PEX2: variants seen among roughly 807,000 people sequenced by gnomAD.
PEX2 encodes peroxisome biogenesis factor 2.
PEX2 carries 19 observed loss-of-function variants against 25.2 expected under a neutral mutation model. That is an observed-to-expected ratio of 0.75 (90% CI 0.53 to 1.10). The LOEUF (loss-of-function observed/expected upper bound fraction) is 1.10, where lower values mean the gene tolerates loss of function less well. Among genes scored for constraint, PEX2 ranks in the 50% least tolerant of loss-of-function variants. The pLI, the probability that PEX2 is intolerant of heterozygous loss-of-function variation, is 0.00. For missense variants in PEX2, 347 were observed against 350.6 expected, an observed-to-expected ratio of 0.99 and a Z score of 0.08; for synonymous variants, 141 against 127.7, an observed-to-expected ratio of 1.10 and a Z score of -0.70.
At chr8:76,992,656 A>G (rs1179459051) in intron 1 of PEX2, among the ~76,000 whole-genome samples, 1 of 152,198 alleles carries the variant, frequency 6.6e-6, no homozygotes, top group African/African-American at 2.4e-5. Flanking sequence ...ATTATTCCCA[A>G]TATAGTGTAA....
rs1807278177 is a variant in PEX2 at position 76,994,908 on chromosome 8, CTATTT to C, written c.-160+5077_-160+5081del. Among the ~76,000 whole-genome samples, 11 of 152,234 alleles carry C rather than the reference CTATTT, an allele frequency of 7.2e-5. No individual in the cohort carries two copies. In the South Asian group the frequency reaches 2.3e-3, roughly 32 times the overall value. On this transcript the variant is annotated intron_variant, in intron 1 of 3. Transcript: ENST00000357039. ...TCTTAAGTTTTGAACCTATAACCTACTATTTTATTTCCTTTGTGTAGTCAGATAGA... is the reference window on the plus strand; with the variant it reads ...TCTTAAGTTTTGAACCTATAACCTACTATTTCCTTTGTGTAGTCAGATAGA...
chr8:76,993,902 C>T (rs1807246574), intron 1 of PEX2, among the ~76,000 whole-genome samples: 1 of 152,088 alleles, frequency 6.6e-6, no homozygotes, highest in East Asian at 1.9e-4. Flanking sequence ...TTATAATTGG[C>T]AGTAAATAAT....
intron 1 of PEX2, among the ~76,000 whole-genome samples, chr8:76,996,843 T>A (rs1274136114): frequency 6.6e-6 from 1 of 152,166 alleles, no homozygotes; most frequent in African/African-American, 2.4e-5. Context: ...AGTATTATCA[T>A]CTCCATTTTA....
intron 3 of PEX2, among the ~76,000 whole-genome samples, chr8:76,985,364 G>A (rs1806974000): frequency 6.6e-6 from 1 of 152,060 alleles, no homozygotes; most frequent in African/African-American, 2.4e-5. Context: ...GTTATAAGAT[G>A]AGTAAGTTCT....
intron 3 of PEX2, among the ~76,000 whole-genome samples, chr8:76,985,210 G>A (rs1806970325): frequency 2.0e-5 from 3 of 150,082 alleles, no homozygotes; most frequent in Admixed American, 2.0e-4. Flanking sequence ...AAATTTAGTT[G>A]CTAAAATGGA....
rs1807352272 is a variant in PEX2, at chr8:76,997,005, C to G, written c.-160+2985G>C. Among the ~76,000 whole-genome samples, 3 of 152,286 alleles carry G rather than the reference C, an allele frequency of 2.0e-5. No homozygotes were observed. In the South Asian group the frequency reaches 6.2e-4, roughly 32 times the overall value. On this transcript the variant is annotated intron_variant, in intron 1 of 3. Coordinates refer to ENST00000357039, the MANE Select transcript of PEX2 (RefSeq NM_000318.3). ...TTGCTAAGCTTGGATCAAATTTAATCCCACAGAACTCAAAAGAAATCTTTT... is the reference window on the plus strand; with the variant it reads ...TTGCTAAGCTTGGATCAAATTTAATGCCACAGAACTCAAAAGAAATCTTTT...
At position 76,984,626 on chromosome 8, in the gene PEX2, T is replaced by C. The variant is rs535647863; in HGVS notation, c.-17-431A>G. 5.3e-5 allele frequency among the ~76,000 whole-genome samples: 8 copies of C among 152,250 alleles called. No homozygotes were observed. The East Asian group carries it at 1.2e-3, about 22-fold the overall frequency. On this transcript the variant is annotated intron_variant, in intron 3 of 3. Transcript: ENST00000357039. ...GAAGGTAATAAATACAACAACTATA[T>C]AGAACATTGCAATAGATGGTTAAGT...
intron 1 of PEX2, among the ~76,000 whole-genome samples, chr8:76,995,495 CTT>C (rs928602337): frequency 6.9e-6 from 1 of 145,286 alleles, no homozygotes; most frequent in Non-Finnish European, 1.5e-5. Flanking sequence ...GGGAAAATAT[CTT>C]TTTTTTTTTG....
At chr8:76,987,840 C>T (rs11786732) in intron 2 of PEX2, 34,773 of 151,822 alleles carry the variant, frequency 0.23, 4,302 homozygotes, top group East Asian at 0.31. Flanking sequence ...AAGAAATACA[C>T]GAGGCAATAC....
At chr8:76,991,642 A>G (rs1807172409) in intron 1 of PEX2, among the ~76,000 whole-genome samples, 1 of 152,192 alleles carries the variant, frequency 6.6e-6, no homozygotes, top group African/African-American at 2.4e-5. Context: ...TACTTCTCCC[A>G]TGCTCTACAT....
Position 76,983,982 on chromosome 8 carries a change from C to T in PEX2, c.197G>A (p.Arg66Lys). The change falls in exon 4 of 4, where the codon AGA becomes AAA. Residue 66 changes from arginine (R) to lysine (K), a missense_variant. Arg to Lys is a conservative substitution (Grantham distance 26). Coordinates refer to ENST00000357039, the MANE Select transcript of PEX2 (RefSeq NM_000318.3). ...GGCATTTTTGGAGTAGATGGTGAATCTCCACAAGAAAACCCATAAGCACGC... is the reference window on the plus strand; with the variant it reads ...GGCATTTTTGGAGTAGATGGTGAATTTCCACAAGAAAACCCATAAGCACGC... Reference protein sequence around the residue: ...VKACLWVFLWRFTIYSKNATV... With the variant: ...VKACLWVFLWKFTIYSKNATV... 1.2e-6 allele frequency: 2 copies of T among 1,614,098 alleles called. No homozygotes were observed. The highest frequency in any genetic ancestry group is 1.1e-5 in the South Asian group (1 of 91,090).
At position 76,984,045 on chromosome 8, in the gene PEX2, T is replaced by A; in HGVS notation, c.134A>T (p.Lys45Ile). The A allele has an allele frequency of 6.2e-7, 1 of 1,613,144 alleles. No homozygotes were observed. The highest frequency in any genetic ancestry group is 8.5e-7 in the Non-Finnish European group (1 of 1,179,432). Residue 45 changes from lysine to isoleucine, a missense_variant, in exon 4 of 4, where the codon AAA becomes ATA. Lys to Ile is a moderately radical substitution (Grantham distance 102, BLOSUM62 -3). Coordinates refer to ENST00000357039, the MANE Select transcript of PEX2 (RefSeq NM_000318.3). ...CTCAAAGCGAGCTAACAGCCCAGGT[T>A]TAAATCCATGAAAGCACTGAGTAAA... ...SQFTQCFHGF[K>I]PGLLARFEPE...
At chr8:76,984,292 A>C (rs1806941185) in intron 3 of PEX2, 97 bp from the exon 4 acceptor site, 2 of 921,138 alleles carry the variant, frequency 2.2e-6, no homozygotes, top group East Asian at 2.4e-5. Flanking sequence ...CAAATTACAC[A>C]GGACACATAG....
upstream of PEX2, chr8:77,000,342 C>G (rs190598260): frequency 4.8e-6 from 1 of 209,246 alleles, no homozygotes; most frequent in South Asian, 4.4e-5. Context: ...CGGTCAGCCC[C>G]GGGTCAGGGG....
chr8:76,983,219 A>G lies in PEX2; in HGVS notation c.*42T>C. The G allele has an allele frequency of 6.2e-7, 1 of 1,604,060 alleles. No individual in the cohort carries two copies. Among genetic ancestry groups the G allele is most frequent in the Non-Finnish European group, 8.5e-7 (1 of 1,179,772 alleles). ...TAGGATGACTAATATTAAGAATTTA[A>G]ACACGGTGCATTTTTTTCCTCAAAG... On this transcript the variant is annotated 3_prime_UTR_variant, in exon 4 of 4. Coordinates refer to ENST00000357039, the MANE Select transcript of PEX2 (RefSeq NM_000318.3).
rs1424637804 is a variant in PEX2, at chr8:76,983,926, A to G, written c.253T>C (p.Tyr85His). The G allele has an allele frequency of 6.2e-7, 1 of 1,614,154 alleles. No homozygotes were observed. Among genetic ancestry groups the G allele is most frequent in the Admixed American group, 1.7e-5 (1 of 60,026 alleles). ...TVGQSVLNIK[Y>H]KNDFSPNLRY... is the part of the protein sequence containing the mutation. The stretch of plus-strand genomic sequence containing the variant: ...AGGTTAGGGGAAAAATCATTTTTGT[A>G]CTTAATATTCAAAACTGACTGTCCC... Residue 85 changes from tyrosine to histidine, a missense_variant, in exon 4 of 4, where the codon TAC becomes CAC. Coordinates refer to ENST00000357039, the MANE Select transcript of PEX2 (RefSeq NM_000318.3).
chr8:76,998,980 A>T (rs1288286028), intron 1 of PEX2, among the ~76,000 whole-genome samples: 4 of 151,090 alleles, frequency 2.6e-5, no homozygotes, highest in East Asian at 1.9e-4. Flanking sequence ...AGAAAAAAAT[A>T]TGAAGGGTTT....
At position 76,983,040 on chromosome 8, in the gene PEX2, T is replaced by C. The variant is rs1226382736; in HGVS notation, c.*221A>G. The C allele has an allele frequency of 1.6e-6, 2 of 1,267,322 alleles. No individual in the cohort carries two copies. Among genetic ancestry groups the C allele is most frequent in the Non-Finnish European group, 2.1e-6 (2 of 963,180 alleles). 78.5% of individuals were successfully genotyped at this position (1,267,322 alleles called of 1,614,324 possible). A position where few individuals can be genotyped will look rare whatever the true frequency, so the allele number is the denominator to read the frequency against. The stretch of plus-strand genomic sequence containing the variant: ...GTCCATTATTCTTGACATTAAAAAT[T>C]GAATGCAATGATTTAAAAAACATAA... On this transcript the variant is annotated 3_prime_UTR_variant, in exon 4 of 4. Transcript: ENST00000357039.
Position 76,983,901 on chromosome 8 carries a change from A to G in PEX2, c.278T>C (p.Leu93Pro). 6.2e-7 allele frequency: 1 copy of G among 1,614,122 alleles called. No homozygotes were observed. Among genetic ancestry groups the G allele is most frequent in the Non-Finnish European group, 8.5e-7 (1 of 1,179,984 alleles). ...IKYKNDFSPN[L>P]RYQPPSKNQK... ...ATTTTTACTGGGTGGCTGATATCTC[A>G]GGTTAGGGGAAAAATCATTTTTGTA... Residue 93 changes from leucine (L) to proline (P), a missense_variant, in exon 4 of 4, where the codon CTG becomes CCG. Coordinates refer to ENST00000357039, the MANE Select transcript of PEX2 (RefSeq NM_000318.3).
Sources: gnomAD v4.1 joint callset for allele counts (sites outside exome capture counted in the v4.1 genomes callset) on GRCh38, gnomAD v4.1.1 for gene constraint, MANE v1.5 for transcripts, NCBI Gene and HGNC (gene_info 2026-07-23, HGNC 2026-07-21) for gene names.